CNTN5: variants seen among roughly 807,000 people sequenced by gnomAD.
CNTN5 encodes the protein contactin 5.
A neutral mutation model predicts 129.1 loss-of-function variants in CNTN5; 77 were observed. That is an observed-to-expected ratio of 0.60 (90% CI 0.50 to 0.72). The LOEUF is 0.72. Ranked by LOEUF, CNTN5 falls within the 30% of genes least tolerant of loss-of-function variation. The pLI is 0.00. For missense variants in CNTN5, 1,478 were observed against 1,328.8 expected (o/e 1.11, Z -1.75); for synonymous variants, 509 against 465.6 (o/e 1.09, Z -1.20).
chr11:99,737,067 T>C (rs1325937333), intron 3 of CNTN5, among the ~76,000 whole-genome samples: 1 of 152,050 alleles, frequency 6.6e-6, no homozygotes, highest in African/African-American at 2.4e-5. Context: ...AGTCTCCACG[T>C]TTTGCCCTCT....
chr11:99,494,507 T>TTGTTACTTTC (rs1454295136), intron 2 of CNTN5, among the ~76,000 whole-genome samples: 1 of 152,194 alleles, frequency 6.6e-6, no homozygotes, highest in Non-Finnish European at 1.5e-5. Flanking sequence ...GAAGAAAATC[T>TTGTTACTTTC]TGTTACTTTC....
intron 2 of CNTN5, among the ~76,000 whole-genome samples, chr11:99,550,146 A>G (rs1948435340): frequency 6.6e-6 from 1 of 152,184 alleles, no homozygotes; most frequent in Non-Finnish European, 1.5e-5. Context: ...ACATGTGAAC[A>G]CTGTGAGCTC....
rs774647249 is a variant in CNTN5, at chr11:99,819,762, G to T, written c.274G>T (p.Asp92Tyr). 10 of 122,410 alleles carry T rather than the reference G, an allele frequency of 8.2e-5. No homozygotes were observed. The highest frequency in any genetic ancestry group is 1.2e-4 in the Non-Finnish European group (9 of 76,372). The allele number at this position is 122,410 out of a possible 1,614,324, so 7.6% of individuals were successfully genotyped here. A position where few individuals can be genotyped will look rare whatever the true frequency, so the allele number is the denominator to read the frequency against. The change falls in exon 4 of 25, where the codon GAT becomes TAT. Residue 92 changes from aspartate (D) to tyrosine (Y), a missense_variant. Coordinates refer to ENST00000524871, the MANE Select transcript of CNTN5 (RefSeq NM_014361.4). Reference protein sequence around the residue: ...LYHSSDAFKQDESVDYGPVFV... With the variant: ...LYHSSDAFKQYESVDYGPVFV... ...TCATTCCTCAGATGCCTTCAAACAA[G>T]ATGGTAAGTGTCAAAGGAAAATGGC...
At position 100,358,097 on chromosome 11, in the gene CNTN5, T is replaced by C. The variant is rs958976232; in HGVS notation, c.*1877T>C. ...AAACATGAGCTCTCCCAAGTATAGT[T>C]TACCTTTATGAATTGTGCATCTGAA... is the stretch of plus-strand genomic sequence containing the variant. On this transcript the variant is annotated 3_prime_UTR_variant, in exon 25 of 25. Transcript: ENST00000524871. 2.0e-5 allele frequency: 3 copies of C among 151,800 alleles called. No individual in the cohort carries two copies. The highest frequency in any genetic ancestry group is 6.6e-5 in the Admixed American group (1 of 15,188). 9.4% of individuals were successfully genotyped at this position (151,800 alleles called of 1,614,324 possible).
chr11:99,617,312 G>A (rs1950792238), intron 3 of CNTN5, among the ~76,000 whole-genome samples: 1 of 152,150 alleles, frequency 6.6e-6, no homozygotes. Flanking sequence ...GAAGGGGATG[G>A]TGACAGGTAT....
chr11:99,119,175 AT>A (rs201819883), intron 1 of CNTN5, among the ~76,000 whole-genome samples: 2,048 of 152,236 alleles, frequency 0.013, 48 homozygotes, highest in African/African-American at 0.046. Context: ...TCAGTGGTAC[AT>A]GTGCAGAGTG....
chr11:100,227,455 T>A (rs1949402027), intron 16 of CNTN5, among the ~76,000 whole-genome samples: 1 of 152,162 alleles, frequency 6.6e-6, no homozygotes, highest in Non-Finnish European at 1.5e-5. Flanking sequence ...TAAGGACTAT[T>A]TTTTCCTCAA....
At chr11:99,889,358 A>G (rs1324477218) in intron 6 of CNTN5, among the ~76,000 whole-genome samples, 6 of 95,452 alleles carry the variant, frequency 6.3e-5, no homozygotes, top group African/African-American at 2.5e-4. Flanking sequence ...GTGTGTGTGT[A>G]TATATATCTC....
intron 4 of CNTN5, among the ~76,000 whole-genome samples, chr11:99,826,907 G>C (rs1946977901): frequency 6.6e-6 from 1 of 152,102 alleles, no homozygotes; most frequent in African/African-American, 2.4e-5. Context: ...GGGGGGATCA[G>C]AAAGATGCTT....
intron 1 of CNTN5, among the ~76,000 whole-genome samples, chr11:99,276,439 AT>A (rs1863437044): frequency 6.6e-6 from 1 of 151,676 alleles, no homozygotes; most frequent in Non-Finnish European, 1.5e-5. Flanking sequence ...TAGCATCTGT[AT>A]CTTTCCTGTA....
intron 16 of CNTN5, among the ~76,000 whole-genome samples, chr11:100,233,548 T>C (rs975895328): frequency 6.6e-6 from 1 of 152,188 alleles, no homozygotes; most frequent in Non-Finnish European, 1.5e-5. Context: ...CACATGACCA[T>C]GAGACAATAG....
At chr11:99,352,543 T>C (rs2136085136) in intron 2 of CNTN5, among the ~76,000 whole-genome samples, 1 of 152,302 alleles carries the variant, frequency 6.6e-6, no homozygotes, top group South Asian at 2.1e-4. Context: ...TGATCTCATG[T>C]TGTTTGGAGC....
At chr11:99,118,402 T>C (rs905171972) in intron 1 of CNTN5, among the ~76,000 whole-genome samples, 4 of 152,182 alleles carry the variant, frequency 2.6e-5, no homozygotes, top group Non-Finnish European at 5.9e-5. Flanking sequence ...TCAATGTTGC[T>C]GACTTTAATA....
chr11:100,141,172 G>A (rs777494092), intron 13 of CNTN5, among the ~76,000 whole-genome samples: 4 of 152,040 alleles, frequency 2.6e-5, no homozygotes, highest in Admixed American at 1.3e-4. Flanking sequence ...GGTAGAATTC[G>A]GAGTCTAAAA....
chr11:99,422,364 T>C (rs1413970916), intron 2 of CNTN5, among the ~76,000 whole-genome samples: 1 of 151,626 alleles, frequency 6.6e-6, no homozygotes, highest in South Asian at 2.1e-4. Context: ...TCTAATTTAG[T>C]CTCCAAATAG....
At chr11:99,785,677 G>A (rs1472598403) in intron 3 of CNTN5, among the ~76,000 whole-genome samples, 2 of 152,048 alleles carry the variant, frequency 1.3e-5, no homozygotes, top group East Asian at 1.9e-4. Context: ...TCACCCCTGG[G>A]TTACAAGACT....
intron 3 of CNTN5, among the ~76,000 whole-genome samples, chr11:99,671,633 CAT>C (rs1231190168): frequency 1.3e-5 from 2 of 152,164 alleles, no homozygotes; most frequent in African/African-American, 4.8e-5. Context: ...TTTTTGGAAA[CAT>C]AAAAAATGCT....
Position 99,916,034 on chromosome 11 carries a change from A to G in CNTN5, c.578-20A>G, listed in dbSNP as rs1949780245. 2.5e-6 allele frequency: 4 copies of G among 1,583,640 alleles called. No homozygotes were observed. The East Asian group carries it at 6.8e-5, about 27-fold the overall frequency. On this transcript the variant is annotated intron_variant, in intron 6 of 24. Coordinates refer to ENST00000524871, the MANE Select transcript of CNTN5 (RefSeq NM_014361.4). The stretch of plus-strand genomic sequence containing the variant: ...ACATTCTTTTCTGCCTTGGATCTAA[A>G]TGTTTTATTATGTTGACAGATCTGG...
At chr11:99,512,088 C>T (rs1946858956) in intron 2 of CNTN5, among the ~76,000 whole-genome samples, 2 of 152,066 alleles carry the variant, frequency 1.3e-5, no homozygotes, top group African/African-American at 4.8e-5. Flanking sequence ...ACAGTAATGT[C>T]CTAGGGCTTC....
Sources: gnomAD v4.1 joint callset for allele counts (sites outside exome capture counted in the v4.1 genomes callset) on GRCh38, gnomAD v4.1.1 for gene constraint, MANE v1.5 for transcripts, NCBI Gene and HGNC (gene_info 2026-07-23, HGNC 2026-07-21) for gene names.